Variants in GVQW3 observed in about 807,000 individuals in gnomAD.
GVQW3 encodes the protein GVQW motif containing 3.
Under a neutral mutation model 12.5 loss-of-function variants are expected in GVQW3, and 7 were observed. The ratio of observed to expected loss-of-function variants is 0.56; its 90% CI spans 0.32 to 1.05. The LOEUF is 1.05. Among genes scored for constraint, GVQW3 ranks in the 50% least tolerant of loss-of-function variants. The probability of loss-of-function intolerance (pLI) is 0.04; values close to 1 mark genes in which losing one functional copy is unlikely to be tolerated. For missense variants in GVQW3, 188 were observed against 190.8 expected, an observed-to-expected ratio of 0.99 and a Z score of 0.09; for synonymous variants, 71 against 67.2, an observed-to-expected ratio of 1.06 and a Z score of -0.28.
intron 1 of GVQW3, among the ~76,000 whole-genome samples, chr11:76,388,677 C>A (rs1204436982): frequency 6.6e-6 from 1 of 151,838 alleles, no homozygotes; most frequent in East Asian, 1.9e-4. Context: ...GGTCTGAAAT[C>A]TAATTATATT....
rs1947025909 is a variant in GVQW3, at chr11:76,405,025, T to A, written c.*1267T>A. On this transcript the variant is annotated 3_prime_UTR_variant, in exon 2 of 2. Coordinates refer to ENST00000529331, the MANE Select transcript of GVQW3 (RefSeq NM_001347885.2). ...ATTTTTAGCTGTAAGTAATGATAAC[T>A]AACAGTGACTTAAATAAGTAGTTAT... 6.6e-6 allele frequency: 1 copy of A among 152,248 alleles called. No homozygotes were observed. The highest frequency in any genetic ancestry group is 2.1e-4 in the South Asian group (1 of 4,834). 9.4% of individuals were successfully genotyped at this position (152,248 alleles called of 1,614,324 possible). A position where few individuals can be genotyped will look rare whatever the true frequency, so the allele number is the denominator to read the frequency against.
intron 1 of GVQW3, chr11:76,392,713 C>T (rs1313739528): frequency 6.6e-6 from 1 of 152,140 alleles, no homozygotes; most frequent in Non-Finnish European, 1.5e-5. Flanking sequence ...AGGGTTTTAC[C>T]AAATTTCTCT....
Position 76,404,986 on chromosome 11 carries a change from A to G in GVQW3, c.*1228A>G, listed in dbSNP as rs969698543. On this transcript the variant is annotated 3_prime_UTR_variant, in exon 2 of 2. Coordinates refer to ENST00000529331, the MANE Select transcript of GVQW3 (RefSeq NM_001347885.2). ...GTTTATGTGTGGACACTTTTTATGC[A>G]TGTATATTGGAATATTTTTAGCTGT... 3.3e-5 allele frequency: 5 copies of G among 152,232 alleles called. No individual in the cohort carries two copies. Among genetic ancestry groups the G allele is most frequent in the African/African-American group, 1.2e-4 (5 of 41,452 alleles). The allele number at this position is 152,232 out of a possible 1,614,324, so 9.4% of individuals were successfully genotyped here. A position where few individuals can be genotyped will look rare whatever the true frequency, so the allele number is the denominator to read the frequency against.
intron 1 of GVQW3, among the ~76,000 whole-genome samples, chr11:76,399,345 T>C (rs1946967476): frequency 6.6e-6 from 1 of 152,008 alleles, no homozygotes; most frequent in African/African-American, 2.4e-5. Context: ...TTTCACCATA[T>C]TGGCCAGGCT....
chr11:76,391,097 A>G (rs1034434720), intron 1 of GVQW3, among the ~76,000 whole-genome samples: 6 of 152,222 alleles, frequency 3.9e-5, no homozygotes, highest in Admixed American at 2.0e-4. Flanking sequence ...GGTAGTCGGC[A>G]AGAAGCCTGA....
chr11:76,384,290 A>G (rs1403623309), intron 1 of GVQW3, among the ~76,000 whole-genome samples: 5 of 152,196 alleles, frequency 3.3e-5, no homozygotes, highest in Admixed American at 3.3e-4. Context: ...ACTCACCTCC[A>G]AAAATTACAA....
downstream of GVQW3, chr11:76,408,133 G>T (rs979134847): frequency 6.6e-6 from 1 of 152,124 alleles, no homozygotes; most frequent in African/African-American, 2.4e-5. Flanking sequence ...AAGAAAGAAA[G>T]AAATGTGTTT....
chr11:76,396,103 A>G (rs899664251), intron 1 of GVQW3, among the ~76,000 whole-genome samples: 5 of 152,166 alleles, frequency 3.3e-5, no homozygotes, highest in African/African-American at 1.2e-4. Flanking sequence ...TTTGGAAGCA[A>G]TGTTGCCAGG....
rs367543870 is a variant in GVQW3 at position 76,400,166 on chromosome 11, C to G, written c.466-3494C>G. 1.9e-4 allele frequency among the ~76,000 whole-genome samples: 29 copies of G among 150,218 alleles called. No individual in the cohort carries two copies. The South Asian group carries it at 6.1e-3, about 32-fold the overall frequency. On this transcript the variant is annotated intron_variant, in intron 1 of 1. Coordinates refer to ENST00000529331, the MANE Select transcript of GVQW3 (RefSeq NM_001347885.2). The stretch of plus-strand genomic sequence containing the variant: ...TCGCTCTTGTCACCCAGGCTGGAGT[C>G]CATTGGCGTGATCTCTACTCACTGC...
At position 76,398,147 on chromosome 11, in the gene GVQW3, A is replaced by AG. The variant is rs1371171604; in HGVS notation, c.466-5513_466-5512insG. ...GAGACTGTGTCTCAAAAAAAAAAAA[A>AG]AAAGAAAGAAAAGAAAATGACTGTG... On this transcript the variant is annotated intron_variant, in intron 1 of 1. Transcript: ENST00000529331. Among the ~76,000 whole-genome samples, 38 of 151,848 alleles carry AG rather than the reference A, an allele frequency of 2.5e-4. 1 individual carries two copies. The highest frequency in any genetic ancestry group is 7.7e-4 in the African/African-American group (32 of 41,418).
intron 1 of GVQW3, among the ~76,000 whole-genome samples, chr11:76,399,285 G>A (rs12221507): frequency 0.25 from 38,074 of 151,844 alleles, 5,060 homozygotes; most frequent in Admixed American, 0.36. Flanking sequence ...GATTACAGGC[G>A]TGCATCACCC....
At chr11:76,395,087 T>C (rs1206338748) in intron 1 of GVQW3, 3 of 152,232 alleles carry the variant, frequency 2.0e-5, no homozygotes, top group African/African-American at 4.8e-5. Context: ...AATAAATGTT[T>C]GATAGATGAA....
chr11:76,409,936 C>T (rs1040995349), downstream of GVQW3, among the ~76,000 whole-genome samples: 10 of 152,122 alleles, frequency 6.6e-5, no homozygotes, highest in Non-Finnish European at 1.3e-4. Context: ...GTCAACATGT[C>T]CAGTAAGTAT....
At chr11:76,388,059 A>C (rs1946853885) in intron 1 of GVQW3, among the ~76,000 whole-genome samples, 1 of 152,248 alleles carries the variant, frequency 6.6e-6, no homozygotes, top group African/African-American at 2.4e-5. Context: ...TTGACTAAAA[A>C]TGATATTATA....
chr11:76,403,832 G>T lies in GVQW3; in HGVS notation c.*74G>T, dbSNP rs1425483382. 3 of 679,564 alleles carry T rather than the reference G, an allele frequency of 4.4e-6. No homozygotes were observed. Among genetic ancestry groups the T allele is most frequent in the Non-Finnish European group, 8.1e-6 (3 of 370,854 alleles). The allele number at this position is 679,564 out of a possible 1,614,324, so 42.1% of individuals were successfully genotyped here. A position where few individuals can be genotyped will look rare whatever the true frequency, so the allele number is the denominator to read the frequency against. On this transcript the variant is annotated 3_prime_UTR_variant, in exon 2 of 2. Coordinates refer to ENST00000529331, the MANE Select transcript of GVQW3 (RefSeq NM_001347885.2). ...CTGAGTCCACAGGCCGAAGAGCGAG[G>T]AGTGCTGATGTACAAGGGCAGGAGA... is the stretch of plus-strand genomic sequence containing the variant.
At chr11:76,389,753 C>G (rs1202074030) in intron 1 of GVQW3, 2 of 152,212 alleles carry the variant, frequency 1.3e-5, no homozygotes, top group African/African-American at 4.8e-5. Flanking sequence ...ATAGCTGATT[C>G]TCTGAAGAAT....
At chr11:76,401,916 T>C (rs765444312) in intron 1 of GVQW3, among the ~76,000 whole-genome samples, 1 of 152,180 alleles carries the variant, frequency 6.6e-6, no homozygotes, top group Non-Finnish European at 1.5e-5. Context: ...TAAATGCTAT[T>C]TATTACCCCA....
At position 76,400,476 on chromosome 11, in the gene GVQW3, A is replaced by G. The variant is rs569992142; in HGVS notation, c.466-3184A>G. 7.2e-5 allele frequency among the ~76,000 whole-genome samples: 11 copies of G among 151,868 alleles called. No individual in the cohort carries two copies. In the East Asian group the frequency reaches 1.9e-3, roughly 27 times the overall value. ...ACTTTTGTCGCCCAGGCTGGAGTGC[A>G]ATGGCACAATCTCAGTTCACTGCAA... On this transcript the variant is annotated intron_variant, in intron 1 of 1. Transcript: ENST00000529331.
intron 1 of GVQW3, among the ~76,000 whole-genome samples, chr11:76,385,011 T>A (rs535744732): frequency 1.3e-5 from 2 of 152,172 alleles, no homozygotes; most frequent in Admixed American, 6.5e-5. Flanking sequence ...ACAGAGGTCC[T>A]GAGACAACTT....
Sources: allele counts gnomAD v4.1 joint callset (sites outside exome capture counted in the v4.1 genomes callset), GRCh38; gene constraint gnomAD v4.1.1; transcripts MANE v1.5; gene names NCBI Gene and HGNC (gene_info 2026-07-23, HGNC 2026-07-21).